The following SV2C variants were observed in gnomAD, a reference collection of about 807,000 sequenced individuals.
SV2C encodes synaptic vesicle glycoprotein 2C, also known as solute carrier family 22 member B3.
SV2C carries 49 observed loss-of-function variants against 79.7 expected under a neutral mutation model. The ratio of observed to expected loss-of-function variants is 0.61; its 90% CI spans 0.49 to 0.78. The LOEUF (loss-of-function observed/expected upper bound fraction) is 0.78. SV2C is among the 30% of genes least tolerant of loss of function. The pLI, the probability that SV2C is intolerant of heterozygous loss-of-function variation, is 0.00. For synonymous variants in SV2C, 334 were observed against 333.2 expected (o/e 1.00, Z -0.03); for missense variants, 833 against 912.9 (o/e 0.91, Z 1.13).
At chr5:75,948,586 G>A in the SV2C span, among the ~76,000 whole-genome samples, 5 of 152,130 alleles carry the variant, frequency 3.3e-5, no homozygotes, top group East Asian at 9.7e-4. Context: ...AGTGGAAGGA[G>A]TGATTGCATA....
At chr5:75,963,803 A>G in the SV2C span, among the ~76,000 whole-genome samples, 1 of 152,036 alleles carries the variant, frequency 6.6e-6, no homozygotes, top group Non-Finnish European at 1.5e-5. Flanking sequence ...GCCAAATGTC[A>G]GACTGTCTTA....
the SV2C span, among the ~76,000 whole-genome samples, chr5:75,936,950 G>A: frequency 1.3e-5 from 2 of 152,284 alleles, no homozygotes; most frequent in South Asian, 4.1e-4. Context: ...CACACAAGCT[G>A]AAACTGTGTA....
chr5:76,143,975 A>G (rs987019030), intron 2 of SV2C, among the ~76,000 whole-genome samples: 5 of 151,758 alleles, frequency 3.3e-5, no homozygotes, highest in Non-Finnish European at 5.9e-5. Flanking sequence ...ACATAGAGGC[A>G]CATGCCATTA....
chr5:75,902,739 G>T, the SV2C span, among the ~76,000 whole-genome samples: 8 of 152,112 alleles, frequency 5.3e-5, no homozygotes, highest in African/African-American at 1.9e-4. Flanking sequence ...CTCATAATTT[G>T]CTGGGCATTT....
chr5:76,221,509 C>T (rs1179578160), intron 4 of SV2C, among the ~76,000 whole-genome samples: 1 of 152,198 alleles, frequency 6.6e-6, no homozygotes, highest in Non-Finnish European at 1.5e-5. Context: ...ATTACCCAAG[C>T]ATGACGTTGT....
At chr5:75,888,272 A>G in the SV2C span, among the ~76,000 whole-genome samples, 2 of 152,088 alleles carry the variant, frequency 1.3e-5, no homozygotes, top group African/African-American at 4.8e-5. Context: ...ATTTAAATAA[A>G]AAGATGGTAC....
chr5:76,350,229 G>GA (rs536463534), intron 12 of SV2C, among the ~76,000 whole-genome samples: 168 of 152,146 alleles, frequency 1.1e-3, no homozygotes, highest in African/African-American at 3.9e-3. Flanking sequence ...AGCTGCTAGA[G>GA]AAAAAAATAT....
intron 2 of SV2C, among the ~76,000 whole-genome samples, chr5:76,184,946 C>A (rs558067081): frequency 6.6e-6 from 1 of 152,278 alleles, no homozygotes; most frequent in South Asian, 2.1e-4. Context: ...TGAGACAAGG[C>A]AAATCCCTTC....
At chr5:76,039,509 A>G in the SV2C span, among the ~76,000 whole-genome samples, 1 of 152,174 alleles carries the variant, frequency 6.6e-6, no homozygotes, top group Non-Finnish European at 1.5e-5. Flanking sequence ...TAATCCCAGC[A>G]GTTTGCGAGG....
At chr5:76,318,082 A>T (rs1223076936) in intron 12 of SV2C, among the ~76,000 whole-genome samples, 2 of 151,652 alleles carry the variant, frequency 1.3e-5, no homozygotes, top group Admixed American at 1.3e-4. Context: ...TCCTCATTTT[A>T]TCCAGAATGG....
At chr5:75,998,497 A>G in the SV2C span, among the ~76,000 whole-genome samples, 1 of 152,176 alleles carries the variant, frequency 6.6e-6, no homozygotes, top group Non-Finnish European at 1.5e-5. Context: ...CTAGCCATAA[A>G]TGGATGAATC....
intron 2 of SV2C, among the ~76,000 whole-genome samples, chr5:76,152,879 C>T (rs1391021390): frequency 6.6e-6 from 1 of 152,210 alleles, no homozygotes; most frequent in Non-Finnish European, 1.5e-5. Flanking sequence ...TAGGCTGGTA[C>T]TGCACATCAC....
chr5:75,939,124 A>G, the SV2C span, among the ~76,000 whole-genome samples: 1 of 152,182 alleles, frequency 6.6e-6, no homozygotes, highest in South Asian at 2.1e-4. Context: ...CCAGCACTCA[A>G]TGTACCATAT....
the SV2C span, among the ~76,000 whole-genome samples, chr5:75,898,704 C>G: frequency 1.3e-5 from 2 of 151,994 alleles, no homozygotes; most frequent in African/African-American, 2.4e-5. Context: ...GTCCTGGACT[C>G]TTTTTGGTTG....
the SV2C span, among the ~76,000 whole-genome samples, chr5:76,010,220 C>T: frequency 1.3e-5 from 2 of 152,100 alleles, no homozygotes; most frequent in South Asian, 4.2e-4. Flanking sequence ...GCCCTCTCTC[C>T]CTAGGCTCTT....
intron 3 of SV2C, among the ~76,000 whole-genome samples, chr5:76,197,707 C>CAGATAGATAGACAGATAGATAGAT (rs1554039518): frequency 8.2e-5 from 12 of 145,606 alleles, no homozygotes; most frequent in African/African-American, 3.1e-4. Flanking sequence ...GATAGACAGG[C>CAGATAGATAGACAGATAGATAGAT]AGATAGATAG....
At chr5:76,138,709 G>A (rs1431008935) in intron 2 of SV2C, among the ~76,000 whole-genome samples, 1 of 152,206 alleles carries the variant, frequency 6.6e-6, no homozygotes, top group Non-Finnish European at 1.5e-5. Flanking sequence ...GCCCAGATCA[G>A]TGTGTGGTAC....
chr5:76,158,897 C>CA (rs1221014328), intron 2 of SV2C, among the ~76,000 whole-genome samples: 4 of 151,856 alleles, frequency 2.6e-5, no homozygotes, highest in African/African-American at 9.7e-5. Context: ...AAATTTCTAA[C>CA]AAAATACTAG....
chr5:76,275,311 C>A (rs1746991500), intron 4 of SV2C, among the ~76,000 whole-genome samples: 1 of 152,050 alleles, frequency 6.6e-6, no homozygotes, highest in African/African-American at 2.4e-5. Flanking sequence ...CACGGTGAAA[C>A]CCCATCTCTA....
Sources: gnomAD v4.1 joint callset for allele counts (sites outside exome capture counted in the v4.1 genomes callset) on GRCh38, gnomAD v4.1.1 for gene constraint, MANE v1.5 for transcripts, NCBI Gene and HGNC (gene_info 2026-07-23, HGNC 2026-07-21) for gene names.